PKD1L1: variants seen among roughly 807,000 people sequenced by gnomAD.
The protein encoded by PKD1L1 is polycystin 1 like 1, transient receptor potential channel interacting.
Under a neutral mutation model 323.4 loss-of-function variants are expected in PKD1L1, and 236 were observed. The observed-to-expected ratio is 0.73, with a 90% CI of 0.66 to 0.81. The LOEUF (loss-of-function observed/expected upper bound fraction) is 0.81. Among genes scored for constraint, PKD1L1 ranks in the 40% least tolerant of loss-of-function variants. PKD1L1 has a pLI of 0.00. For synonymous variants in PKD1L1, 1,344 were observed against 1,335.0 expected (o/e 1.01, Z -0.15); for missense variants, 3,320 against 3,508.0 (o/e 0.95, Z 1.35).
intron 56 of PKD1L1, among the ~76,000 whole-genome samples, chr7:47,778,294 C>T (rs1306633085): frequency 6.6e-6 from 1 of 152,138 alleles, no homozygotes; most frequent in East Asian, 1.9e-4. Flanking sequence ...GAGAGATTAT[C>T]GTGTGGAGAA....
At chr7:47,958,618 C>T in the PKD1L1 span, among the ~76,000 whole-genome samples, 3 of 152,114 alleles carry the variant, frequency 2.0e-5, no homozygotes, top group Non-Finnish European at 4.4e-5. Flanking sequence ...AAAGCTTCTG[C>T]ACAGCAAAGG....
intron 8 of PKD1L1, among the ~76,000 whole-genome samples, chr7:47,909,845 G>A (rs1211571610): frequency 6.6e-6 from 1 of 152,198 alleles, no homozygotes; most frequent in Non-Finnish European, 1.5e-5. Context: ...AAGAGTAAAA[G>A]TCTATCTCTG....
In PKD1L1 at chr7:47,902,893, C is replaced by A. The variant is rs192397852; in HGVS notation, c.1932-382G>T. Reference sequence around the variant, plus strand: ...TATATTTTCTCTGTGTGATGGGTACCCCAACCCATAACTGGGGGGTCTCCG... The same window carrying A: ...TATATTTTCTCTGTGTGATGGGTACACCAACCCATAACTGGGGGGTCTCCG... On this transcript the variant is annotated intron_variant, in intron 12 of 56. Coordinates refer to ENST00000289672, the MANE Select transcript of PKD1L1 (RefSeq NM_138295.5). Among the ~76,000 whole-genome samples the A allele has an allele frequency of 7.9e-5, 12 of 152,262 alleles. No homozygotes were observed. In the East Asian group the frequency reaches 2.3e-3, roughly 29 times the overall value.
At chr7:47,936,778 T>C in intron 4 of PKD1L1, 68 bp downstream of exon 4, 1 of 1,261,278 alleles carries the variant, frequency 7.9e-7, no homozygotes, top group East Asian at 2.3e-5. Context: ...ATCTGAGCAA[T>C]TCTTTGTAAG....
At chr7:47,943,373 T>G in intron 2 of PKD1L1, 23 bp downstream of exon 2, 1 of 1,574,226 alleles carries the variant, frequency 6.4e-7, no homozygotes, top group Non-Finnish European at 8.7e-7. Flanking sequence ...ATGGTGGCCA[T>G]GCCTCCTTCC....
intron 24 of PKD1L1, among the ~76,000 whole-genome samples, chr7:47,872,979 A>T (rs1439060868): frequency 6.6e-6 from 1 of 152,258 alleles, no homozygotes; most frequent in Non-Finnish European, 1.5e-5. Context: ...ATTATTCAGC[A>T]ACAAAAAAGA....
rs536810055 is a variant in PKD1L1 at position 47,825,236 on chromosome 7, G to A, written c.6854+2114C>T. On this transcript the variant is annotated intron_variant, in intron 45 of 56. Coordinates refer to ENST00000289672, the MANE Select transcript of PKD1L1 (RefSeq NM_138295.5). The stretch of plus-strand genomic sequence containing the variant: ...CACTTTTTTTTTGTTTTAAAGAGTT[G>A]CTGGTCCTTTAGGCCAGGTGTGGTG... Among the ~76,000 whole-genome samples the A allele has an allele frequency of 1.6e-3, 238 of 151,928 alleles. 1 individual carries two copies. The highest frequency in any genetic ancestry group is 5.4e-3 in the African/African-American group (224 of 41,454).
In PKD1L1 at chr7:47,943,390, C is replaced by T. The variant is rs1328618431; in HGVS notation, c.160+6G>A. 2 of 1,611,300 alleles carry T rather than the reference C, an allele frequency of 1.2e-6. No individual in the cohort carries two copies. Among genetic ancestry groups the T allele is most frequent in the Non-Finnish European group, 1.7e-6 (2 of 1,178,074 alleles). On this transcript the variant is annotated splice_donor_region_variant and intron_variant, in intron 2 of 56. Transcript: ENST00000289672. Reference sequence around the variant, plus strand: ...GGTGGCCATGCCTCCTTCCCCAAGGCCTTACCGACCCACAATCCACCTCCA... The same window carrying T: ...GGTGGCCATGCCTCCTTCCCCAAGGTCTTACCGACCCACAATCCACCTCCA...
Position 47,846,978 on chromosome 7 carries a change from T to G in PKD1L1, c.5054A>C (p.His1685Pro). The part of the protein sequence containing the change: ...YLAKAVNYTV[H>P]FQWIRCLFWD... ...AAACAGGCATCGGATCCACTGGAAA[T>G]GTACTGTATAGTTCACTGCCTTAGC... Residue 1685 changes from histidine (H) to proline (P), a missense_variant, in exon 32 of 57, where the codon CAT becomes CCT. His to Pro is a moderately conservative substitution (Grantham distance 77). Coordinates refer to ENST00000289672, the MANE Select transcript of PKD1L1 (RefSeq NM_138295.5). The G allele has an allele frequency of 1.2e-6, 2 of 1,613,978 alleles. No individual in the cohort carries two copies. Among genetic ancestry groups the G allele is most frequent in the Non-Finnish European group, 1.7e-6 (2 of 1,179,926 alleles).
chr7:47,782,197 A>G (rs145617855), intron 56 of PKD1L1, among the ~76,000 whole-genome samples: 28 of 152,330 alleles, frequency 1.8e-4, no homozygotes, highest in Non-Finnish European at 3.1e-4. Flanking sequence ...TCACCTGCAG[A>G]TTTTGAAAAA....
chr7:47,958,105 G>A, the PKD1L1 span, among the ~76,000 whole-genome samples: 154 of 151,976 alleles, frequency 1.0e-3, 1 homozygote, highest in Non-Finnish European at 1.7e-3. Flanking sequence ...CCTAAAATTC[G>A]TATGTAACCA....
chr7:47,884,620 T>TCACTGTA lies in PKD1L1; in HGVS notation c.3242_3243insTACAGTG (p.Pro1082ThrfsTer11). ...CACCTGGCTGTCTTCCTCCCGATGG[T>TCACTGTA]ATTGCTTCTTGAATGTCACTGTAAT... On this transcript the variant is annotated frameshift_variant, in exon 19 of 57. Transcript: ENST00000289672. LOFTEE classifies it high-confidence loss of function. 2 of 1,614,020 alleles carry TCACTGTA rather than the reference T, an allele frequency of 1.2e-6. No individual in the cohort carries two copies. Among genetic ancestry groups the TCACTGTA allele is most frequent in the Non-Finnish European group, 1.7e-6 (2 of 1,179,908 alleles).
intron 31 of PKD1L1, among the ~76,000 whole-genome samples, chr7:47,851,711 C>T (rs28459330): frequency 0.19 from 28,949 of 152,014 alleles, 2,999 homozygotes; most frequent in Middle Eastern, 0.23. Context: ...TTAGCACCAT[C>T]GCCTATGGAA....
chr7:47,953,611 G>A, the PKD1L1 span, among the ~76,000 whole-genome samples: 29 of 152,226 alleles, frequency 1.9e-4, no homozygotes, highest in Non-Finnish European at 5.9e-5. Flanking sequence ...TTTGGGACAG[G>A]TTAAGCCACC....
At chr7:47,926,955 T>C (rs958745424) in intron 7 of PKD1L1, among the ~76,000 whole-genome samples, 2 of 152,240 alleles carry the variant, frequency 1.3e-5, no homozygotes, top group African/African-American at 4.8e-5. Context: ...CAAATGACAC[T>C]GAGCCAAATG....
At chr7:47,923,173 T>C (rs867499009) in intron 7 of PKD1L1, among the ~76,000 whole-genome samples, 6 of 152,026 alleles carry the variant, frequency 3.9e-5, no homozygotes, top group African/African-American at 1.4e-4. Flanking sequence ...TAATCTCAAG[T>C]ACCCAGGGAC....
chr7:47,830,779 T>C (rs1785331256), intron 42 of PKD1L1, among the ~76,000 whole-genome samples: 1 of 152,180 alleles, frequency 6.6e-6, no homozygotes, highest in South Asian at 2.1e-4. Context: ...AGAGGTACCA[T>C]GTGCCGGAGT....
rs1368938787 is a variant in PKD1L1 at position 47,830,129 on chromosome 7, C to T, written c.6474-5G>A. On this transcript the variant is annotated splice_region_variant and splice_polypyrimidine_tract_variant and intron_variant, in intron 42 of 56. Coordinates refer to ENST00000289672, the MANE Select transcript of PKD1L1 (RefSeq NM_138295.5). ...ACACATTGCTCCTGGCCAAACCTGC[C>T]CCCAGGGAAAGTGCAGTGGTCAGCC... is the stretch of plus-strand genomic sequence containing the variant. The T allele has an allele frequency of 1.2e-6, 2 of 1,613,390 alleles. No individual in the cohort carries two copies. The highest frequency in any genetic ancestry group is 2.7e-5 in the African/African-American group (2 of 74,906).
At position 47,886,055 on chromosome 7, in the gene PKD1L1, C is replaced by T. The variant is rs1055040291; in HGVS notation, c.2837-1G>A. ...AGCCCCACTACTCTGCAGAAGGGAA[C>T]TTAAGCAAACGTTTGGCAGTGTTAG... On this transcript the variant is annotated splice_acceptor_variant, in intron 17 of 56. Coordinates refer to ENST00000289672, the MANE Select transcript of PKD1L1 (RefSeq NM_138295.5). LOFTEE classifies it high-confidence loss of function. 6.3e-7 allele frequency: 1 copy of T among 1,599,414 alleles called. No individual in the cohort carries two copies. Among genetic ancestry groups the T allele is most frequent in the African/African-American group, 1.3e-5 (1 of 74,352 alleles).
Sources: gnomAD v4.1 joint callset for allele counts (sites outside exome capture counted in the v4.1 genomes callset) on GRCh38, gnomAD v4.1.1 for gene constraint, MANE v1.5 for transcripts, NCBI Gene and HGNC (gene_info 2026-07-23, HGNC 2026-07-21) for gene names.